Variants in ANKRD31 observed in about 807,000 individuals in gnomAD.
ANKRD31 encodes the protein ankyrin repeat domain-containing protein 31.
Under a neutral mutation model 186.0 loss-of-function variants are expected in ANKRD31, and 147 were observed. That is an observed-to-expected ratio of 0.79 (90% CI 0.69 to 0.91). The LOEUF (loss-of-function observed/expected upper bound fraction) is 0.91, where lower values mean the gene tolerates loss of function less well. Among genes scored for constraint, ANKRD31 ranks in the 40% least tolerant of loss-of-function variants. ANKRD31 has a pLI of 0.00. For synonymous variants in ANKRD31, 673 were observed against 736.4 expected (o/e 0.91, Z 1.39); for missense variants, 1,986 against 2,148.8 (o/e 0.92, Z 1.50).
intron 17 of ANKRD31, among the ~76,000 whole-genome samples, chr5:75,130,521 T>G (rs1429824854): frequency 6.6e-6 from 1 of 152,180 alleles, no homozygotes; most frequent in Non-Finnish European, 1.5e-5. Context: ...CTGGTCCGTT[T>G]TGACAGAGTG....
chr5:75,133,502 C>A (rs1190597494), intron 17 of ANKRD31, among the ~76,000 whole-genome samples: 1 of 152,138 alleles, frequency 6.6e-6, no homozygotes, highest in Non-Finnish European at 1.5e-5. Flanking sequence ...CAGGAGCACC[C>A]AGATTCATAA....
chr5:75,131,659 T>C lies in ANKRD31; in HGVS notation c.3876+6197A>G, dbSNP rs545913769. On this transcript the variant is annotated intron_variant, in intron 17 of 25. Coordinates refer to ENST00000506364, the MANE Select transcript of ANKRD31 (RefSeq NM_001372053.1). The stretch of plus-strand genomic sequence containing the variant: ...CCCTGTCTGACAGCTTTGAAGAGAG[T>C]AGTGGTTCTCCCAGCATGGAGTTTG... Among the ~76,000 whole-genome samples the C allele has an allele frequency of 3.9e-5, 6 of 152,026 alleles. No individual in the cohort carries two copies. In the South Asian group the frequency reaches 1.0e-3, roughly 26 times the overall value.
At chr5:75,126,423 C>T (rs1398574083) in intron 17 of ANKRD31, among the ~76,000 whole-genome samples, 1 of 151,996 alleles carries the variant, frequency 6.6e-6, no homozygotes, top group African/African-American at 2.4e-5. Flanking sequence ...ATATGGGTGA[C>T]AGAACAAGAC....
intron 11 of ANKRD31, among the ~76,000 whole-genome samples, chr5:75,155,851 C>T (rs1174625530): frequency 6.6e-6 from 1 of 151,968 alleles, no homozygotes; most frequent in Non-Finnish European, 1.5e-5. Context: ...ACAGACACAG[C>T]AGGTACACTT....
intron 25 of ANKRD31, among the ~76,000 whole-genome samples, chr5:75,076,259 C>A (rs1018206161): frequency 6.6e-6 from 1 of 152,156 alleles, no homozygotes; most frequent in African/African-American, 2.4e-5. Flanking sequence ...ACTTCAGACA[C>A]CAGTTGCAGA....
At chr5:75,148,540 C>T (rs1233498722) in intron 13 of ANKRD31, 36 bp downstream of exon 13, 7 of 1,378,724 alleles carry the variant, frequency 5.1e-6, no homozygotes, top group Admixed American at 2.4e-5. Flanking sequence ...GAAGTTACAT[C>T]CCTATAAAAA....
chr5:75,072,924 T>A (rs1415178008), intron 25 of ANKRD31, among the ~76,000 whole-genome samples: 1 of 152,100 alleles, frequency 6.6e-6, no homozygotes, highest in Non-Finnish European at 1.5e-5. Flanking sequence ...GATGTTGGAG[T>A]GTAAGACCTG....
chr5:75,070,867 T>A (rs1744173666), intron 25 of ANKRD31, among the ~76,000 whole-genome samples: 1 of 152,106 alleles, frequency 6.6e-6, no homozygotes, highest in South Asian at 2.1e-4. Context: ...CCAAGATGGG[T>A]GGGTCACCTG....
intron 10 of ANKRD31, among the ~76,000 whole-genome samples, chr5:75,173,866 T>C (rs911296357): frequency 1.3e-5 from 2 of 151,988 alleles, no homozygotes; most frequent in African/African-American, 4.8e-5. Flanking sequence ...TTCACAGAAT[T>C]GGAAAAAACT....
chr5:75,236,789 A>C lies in ANKRD31; in HGVS notation c.-103T>G, dbSNP rs1372153809. On this transcript the variant is annotated 5_prime_UTR_variant, in exon 1 of 26. Coordinates refer to ENST00000506364, the MANE Select transcript of ANKRD31 (RefSeq NM_001372053.1). Reference sequence around the variant, plus strand: ...CAGGGGAAATTGTGAATTAAAAATAAAAATAATATAATCGCAGCAGGAGCC... The same window carrying C: ...CAGGGGAAATTGTGAATTAAAAATACAAATAATATAATCGCAGCAGGAGCC... The C allele has an allele frequency of 1.1e-6, 1 of 932,712 alleles. No homozygotes were observed. The highest frequency in any genetic ancestry group is 1.7e-5 in the African/African-American group (1 of 58,480). 57.8% of individuals were successfully genotyped at this position (932,712 alleles called of 1,614,324 possible).
At chr5:75,151,525 A>C (rs1201823583) in intron 12 of ANKRD31, among the ~76,000 whole-genome samples, 1 of 152,022 alleles carries the variant, frequency 6.6e-6, no homozygotes, top group Non-Finnish European at 1.5e-5. Context: ...CATGTGAAGA[A>C]GGACGTGTTT....
chr5:75,109,156 C>T (rs188526867), intron 20 of ANKRD31, among the ~76,000 whole-genome samples: 13 of 152,040 alleles, frequency 8.6e-5, no homozygotes, highest in East Asian at 5.8e-4. Flanking sequence ...GGTAGTAATA[C>T]GGAGTAAACC....
chr5:75,114,268 T>C (rs1368707000), intron 19 of ANKRD31, among the ~76,000 whole-genome samples: 1 of 152,156 alleles, frequency 6.6e-6, no homozygotes, highest in African/African-American at 2.4e-5. Context: ...CTTTTCTACA[T>C]CCTGTATCTC....
At position 75,146,669 on chromosome 5, in the gene ANKRD31, T is replaced by A. The variant is rs1230198019; in HGVS notation, c.2742A>T (p.Thr914=). 1.9e-5 allele frequency: 29 copies of A among 1,536,262 alleles called. No individual in the cohort carries two copies. The highest frequency in any genetic ancestry group is 2.5e-5 in the Non-Finnish European group (29 of 1,146,264). ...DDCSTSEKAI[T]SKKVLCSTGG... is the part of the protein sequence containing the mutation. Reference sequence around the variant, plus strand: ...CTGTAGAACACAACACCTTTTTAGATGTTATAGCCTTCTCAGAGGTAGAGC... The same window carrying A: ...CTGTAGAACACAACACCTTTTTAGAAGTTATAGCCTTCTCAGAGGTAGAGC... The change falls in exon 14 of 26, where the codon ACA becomes ACT. Residue 914 remains threonine (T), a synonymous_variant. Coordinates refer to ENST00000506364, the MANE Select transcript of ANKRD31 (RefSeq NM_001372053.1).
intron 3 of ANKRD31, among the ~76,000 whole-genome samples, chr5:75,214,500 C>T (rs1366625897): frequency 6.6e-6 from 1 of 152,170 alleles, no homozygotes; most frequent in Non-Finnish European, 1.5e-5. Flanking sequence ...AGTGAGGCAG[C>T]TAGTAAGAGA....
intron 23 of ANKRD31, among the ~76,000 whole-genome samples, chr5:75,089,695 T>G (rs1305730311): frequency 3.9e-5 from 6 of 152,240 alleles, no homozygotes; most frequent in Admixed American, 2.6e-4. Context: ...GTTTTCATTT[T>G]TTTGATAATC....
chr5:75,070,956 G>C (rs1297559616), intron 25 of ANKRD31, among the ~76,000 whole-genome samples: 1 of 152,080 alleles, frequency 6.6e-6, no homozygotes. Context: ...GCATTGATTT[G>C]GTCAAATATT....
intron 3 of ANKRD31, among the ~76,000 whole-genome samples, chr5:75,219,674 C>T (rs928140213): frequency 6.6e-6 from 1 of 152,178 alleles, no homozygotes; most frequent in African/African-American, 2.4e-5. Flanking sequence ...CAGAAAAGAT[C>T]CCGAATAGCC....
At chr5:75,124,194 A>G (rs1244145799) in intron 17 of ANKRD31, among the ~76,000 whole-genome samples, 1 of 152,228 alleles carries the variant, frequency 6.6e-6, no homozygotes, top group Non-Finnish European at 1.5e-5. Flanking sequence ...AATGCTCAAC[A>G]TCATTAATCA....
Sources: allele counts gnomAD v4.1 joint callset (sites outside exome capture counted in the v4.1 genomes callset), GRCh38; gene constraint gnomAD v4.1.1; transcripts MANE v1.5; gene names NCBI Gene and HGNC (gene_info 2026-07-23, HGNC 2026-07-21).